Variants in RNF150 observed in about 807,000 individuals in gnomAD.
RNF150 encodes ring finger protein 150.
A neutral mutation model predicts 39.3 loss-of-function variants in RNF150; 24 were observed. The ratio of observed to expected loss-of-function variants is 0.61; its 90% CI spans 0.44 to 0.86. The LOEUF (loss-of-function observed/expected upper bound fraction) is 0.86, where lower values mean the gene tolerates loss of function less well. RNF150 is among the 40% of genes least tolerant of loss of function. The pLI is 0.00. For missense variants in RNF150, 502 were observed against 587.8 expected (o/e 0.85, Z 1.51); for synonymous variants, 255 against 227.3 (o/e 1.12, Z -1.10).
chr4:141,144,170 C>A (rs1314519373), intron 1 of RNF150, among the ~76,000 whole-genome samples: 10 of 152,106 alleles, frequency 6.6e-5, no homozygotes, highest in African/African-American at 2.4e-4. Flanking sequence ...AAATCCCTAT[C>A]ATATTGGATG....
intron 6 of RNF150, among the ~76,000 whole-genome samples, chr4:140,888,133 A>G (rs1729642565): frequency 6.6e-6 from 1 of 152,204 alleles, no homozygotes; most frequent in African/African-American, 2.4e-5. Flanking sequence ...TCATCTTCCA[A>G]TAAATACTGC....
chr4:141,187,527 G>A (rs775282382), intron 1 of RNF150, among the ~76,000 whole-genome samples: 7 of 152,114 alleles, frequency 4.6e-5, no homozygotes, highest in Non-Finnish European at 1.0e-4. Context: ...TTACGGATCT[G>A]GGTGCTCGTG....
At position 141,089,653 on chromosome 4, in the gene RNF150, C is replaced by T. The variant is rs144532811; in HGVS notation, c.484+42672G>A. ...CTACCCAATTCATAATGAAGAAACT[C>T]CTTGTAATCGTGTGAAGGTACAGAA... On this transcript the variant is annotated intron_variant, in intron 1 of 6. Coordinates refer to ENST00000515673, the MANE Select transcript of RNF150 (RefSeq NM_020724.2). Among the ~76,000 whole-genome samples, 91 of 152,252 alleles carry T rather than the reference C, an allele frequency of 6.0e-4. 1 individual carries two copies. The East Asian group carries it at 0.014, about 23-fold the overall frequency.
chr4:140,897,000 T>C (rs1729985246), intron 6 of RNF150, among the ~76,000 whole-genome samples: 2 of 152,160 alleles, frequency 1.3e-5, no homozygotes, highest in Admixed American at 6.5e-5. Flanking sequence ...ACTTGTATTT[T>C]CTATCATTGT....
chr4:140,897,374 C>T (rs1730004132), intron 6 of RNF150, among the ~76,000 whole-genome samples: 1 of 152,138 alleles, frequency 6.6e-6, no homozygotes, highest in African/African-American at 2.4e-5. Flanking sequence ...ACGAATTGCT[C>T]AGGAAGCCTG....
chr4:140,913,479 A>AT (rs1730697844), intron 5 of RNF150, among the ~76,000 whole-genome samples: 1 of 152,128 alleles, frequency 6.6e-6, no homozygotes, highest in Non-Finnish European at 1.5e-5. Context: ...TCAGGATGAC[A>AT]TTTGATCCAA....
chr4:140,936,460 A>C (rs965251210), intron 4 of RNF150, among the ~76,000 whole-genome samples: 1 of 152,174 alleles, frequency 6.6e-6, no homozygotes, highest in Non-Finnish European at 1.5e-5. Flanking sequence ...AATGGGTTTA[A>C]AAAATAGTTT....
At chr4:141,154,280 G>A (rs370455155) in intron 1 of RNF150, among the ~76,000 whole-genome samples, 44 of 152,252 alleles carry the variant, frequency 2.9e-4, no homozygotes, top group African/African-American at 7.9e-4. Flanking sequence ...TTCTTCCCAC[G>A]TAAGTAGCCA....
chr4:141,090,017 T>C (rs1034239719), intron 1 of RNF150, among the ~76,000 whole-genome samples: 1 of 152,190 alleles, frequency 6.6e-6, no homozygotes, highest in Admixed American at 6.5e-5. Context: ...CCTAGGCACA[T>C]GGACATCTTG....
At chr4:141,018,806 T>C (rs1157160831) in intron 1 of RNF150, among the ~76,000 whole-genome samples, 1 of 151,980 alleles carries the variant, frequency 6.6e-6, no homozygotes, top group South Asian at 2.1e-4. Context: ...GTTATGATCA[T>C]ACATAAACCA....
chr4:141,065,763 T>C (rs1050532865), intron 1 of RNF150, among the ~76,000 whole-genome samples: 1 of 152,016 alleles, frequency 6.6e-6, no homozygotes, highest in African/African-American at 2.4e-5. Flanking sequence ...GGGTATGATA[T>C]TAACATTCAC....
chr4:140,961,206 G>A (rs879279975), intron 2 of RNF150, among the ~76,000 whole-genome samples: 19 of 152,140 alleles, frequency 1.2e-4, no homozygotes, highest in Non-Finnish European at 2.8e-4. Flanking sequence ...ACCTTGCTGG[G>A]AGGCTTATAA....
chr4:141,202,941 A>T (rs1728312584), intron 1 of RNF150, among the ~76,000 whole-genome samples: 1 of 151,730 alleles, frequency 6.6e-6, no homozygotes, highest in South Asian at 2.1e-4. Context: ...TTTGGCACAC[A>T]TTTCAAAATA....
intron 1 of RNF150, among the ~76,000 whole-genome samples, chr4:141,106,549 TTGGGAGGCCGA>T (rs1419167129): frequency 1.3e-5 from 2 of 152,204 alleles, no homozygotes; most frequent in Non-Finnish European, 2.9e-5. Flanking sequence ...TACCAGCACT[TTGGGAGGCCGA>T]GGCAGGTGGA....
At chr4:141,028,526 C>G (rs556210144) in intron 1 of RNF150, among the ~76,000 whole-genome samples, 2 of 152,234 alleles carry the variant, frequency 1.3e-5, no homozygotes, top group South Asian at 4.1e-4. Flanking sequence ...AGCTTTATGC[C>G]TCTTAGACAA....
chr4:141,003,094 A>G (rs1449770025), intron 1 of RNF150, among the ~76,000 whole-genome samples: 4 of 152,154 alleles, frequency 2.6e-5, no homozygotes, highest in African/African-American at 7.2e-5. Flanking sequence ...TCTGCCTGAT[A>G]AAGATATTTC....
intron 2 of RNF150, among the ~76,000 whole-genome samples, chr4:140,966,073 G>A (rs187212702): frequency 3.9e-3 from 593 of 152,024 alleles, no homozygotes; most frequent in Non-Finnish European, 6.4e-3. Flanking sequence ...AGTGGCTCAC[G>A]CCTGTAATCC....
At chr4:141,059,797 T>C (rs1162837506) in intron 1 of RNF150, among the ~76,000 whole-genome samples, 2 of 152,112 alleles carry the variant, frequency 1.3e-5, no homozygotes, top group African/African-American at 2.4e-5. Context: ...ACTTTAACAG[T>C]CTTTAGTGTT....
At chr4:141,047,320 C>A (rs1736618446) in intron 1 of RNF150, among the ~76,000 whole-genome samples, 1 of 152,092 alleles carries the variant, frequency 6.6e-6, no homozygotes, top group Non-Finnish European at 1.5e-5. Flanking sequence ...TATTTCGACC[C>A]CTTCCTGCAC....
Sources: allele counts gnomAD v4.1 joint callset (sites outside exome capture counted in the v4.1 genomes callset), GRCh38; gene constraint gnomAD v4.1.1; transcripts MANE v1.5; gene names NCBI Gene and HGNC (gene_info 2026-07-23, HGNC 2026-07-21).